IL1RAPL2: variants seen among roughly 807,000 people sequenced by gnomAD.
IL1RAPL2 encodes the protein interleukin 1 receptor accessory protein like 2.
A neutral mutation model predicts 44.1 loss-of-function variants in IL1RAPL2; 3 were observed. The ratio of observed to expected loss-of-function variants is 0.07; its 90% confidence interval spans 0.03 to 0.18. The LOEUF is 0.18. Among genes scored for constraint, IL1RAPL2 ranks in the 10% least tolerant of loss-of-function variants. The pLI, the probability that IL1RAPL2 is intolerant of heterozygous loss-of-function variation, is 1.00. For synonymous variants in IL1RAPL2, 181 were observed against 178.8 expected (o/e 1.01, Z -0.10); for missense variants, 391 against 496.4 (o/e 0.79, Z 2.02).
intron 6 of IL1RAPL2, among the ~76,000 whole-genome samples, chrX:105,545,608 C>T (rs1257928696): frequency 3.6e-5 from 4 of 111,878 alleles, no homozygotes; most frequent in Admixed American, 9.5e-5. Context: ...TTTCTTTTAT[C>T]GCTTTGAATA....
intron 6 of IL1RAPL2, among the ~76,000 whole-genome samples, chrX:105,544,313 A>G (rs2036770569): frequency 9.1e-6 from 1 of 109,934 alleles, no homozygotes; most frequent in Admixed American, 9.6e-5. Flanking sequence ...TAGATTCCAT[A>G]TCTCTTTTTA....
At position 104,567,464 on chromosome X, in the gene IL1RAPL2, G is replaced by A. The variant is rs1874826060; in HGVS notation, c.-20+413G>A. Among the ~76,000 whole-genome samples, 3 of 112,629 alleles carry A rather than the reference G, an allele frequency of 2.7e-5. No individual in the cohort carries two copies. In the South Asian group the frequency reaches 1.1e-3, roughly 41 times the overall value. Reference sequence around the variant, plus strand: ...CTGGAGCTGGGAAGAGGCTCAAGGCGGCTCCTGGGTGGAGCAGCGAGGGGT... The same window carrying A: ...CTGGAGCTGGGAAGAGGCTCAAGGCAGCTCCTGGGTGGAGCAGCGAGGGGT... On this transcript the variant is annotated intron_variant, in intron 1 of 10. Transcript: ENST00000372582.
intron 6 of IL1RAPL2, among the ~76,000 whole-genome samples, chrX:105,499,846 ATCC>A (rs1267901995): frequency 8.9e-6 from 1 of 112,097 alleles, no homozygotes; most frequent in Non-Finnish European, 1.9e-5. Context: ...CAGTATGGCA[ATCC>A]TTAAAAAATT....
chrX:105,724,309 C>A (rs745679220), intron 7 of IL1RAPL2, among the ~76,000 whole-genome samples: 2 of 111,331 alleles, frequency 1.8e-5, no homozygotes, highest in Admixed American at 1.9e-4. Flanking sequence ...AGCATTTCCC[C>A]TGCTGCTTGA....
At chrX:104,623,991 C>G (rs1438293241) in intron 1 of IL1RAPL2, among the ~76,000 whole-genome samples, 1 of 111,845 alleles carries the variant, frequency 8.9e-6, no homozygotes, top group Non-Finnish European at 1.9e-5. Context: ...CTTGAGTATA[C>G]TTTGTAAGTG....
rs761494831 is a variant in IL1RAPL2, at chrX:105,074,323, G to C, written c.83-121152G>C. On this transcript the variant is annotated intron_variant, in intron 2 of 10. Coordinates refer to ENST00000372582, the MANE Select transcript of IL1RAPL2 (RefSeq NM_017416.2). ...GATCCTTTCCCCATTTCTTGTTTTT[G>C]TCAGGTTTGTCAAAGATCAGATGGT... Among the ~76,000 whole-genome samples the C allele has an allele frequency of 1.6e-4, 18 of 111,265 alleles. No individual in the cohort carries two copies. In the South Asian group the frequency reaches 2.3e-3, roughly 14 times the overall value.
At chrX:105,754,822 C>T (rs1389179436) in intron 9 of IL1RAPL2, among the ~76,000 whole-genome samples, 1 of 112,287 alleles carries the variant, frequency 8.9e-6, no homozygotes, top group East Asian at 2.8e-4. Flanking sequence ...GCCAAGCCAA[C>T]TGGAAAATAA....
chrX:105,648,098 CAAT>C (rs971846488), intron 6 of IL1RAPL2, among the ~76,000 whole-genome samples: 5 of 111,800 alleles, frequency 4.5e-5, no homozygotes, highest in African/African-American at 1.6e-4. Context: ...GGCAAAATCT[CAAT>C]AACATGGTAA....
chrX:105,342,363 A>G (rs1462316562), intron 5 of IL1RAPL2, among the ~76,000 whole-genome samples: 2 of 112,485 alleles, frequency 1.8e-5, no homozygotes, highest in African/African-American at 6.5e-5. Context: ...CAGGGAACAT[A>G]ATTTAGTAAT....
intron 2 of IL1RAPL2, among the ~76,000 whole-genome samples, chrX:105,032,484 C>A (rs1920980881): frequency 9.0e-6 from 1 of 111,324 alleles, no homozygotes; most frequent in African/African-American, 3.3e-5. Context: ...TTCGTTATTT[C>A]CCCGTATTCA....
intron 2 of IL1RAPL2, among the ~76,000 whole-genome samples, chrX:105,096,543 T>C (rs1714509028): frequency 8.9e-6 from 1 of 112,376 alleles, no homozygotes; most frequent in Non-Finnish European, 1.9e-5. Context: ...TTATACATGA[T>C]ATAACATGGA....
At chrX:105,277,862 C>G (rs2034498620) in intron 5 of IL1RAPL2, among the ~76,000 whole-genome samples, 1 of 109,509 alleles carries the variant, frequency 9.1e-6, no homozygotes, top group Non-Finnish European at 1.9e-5. Context: ...AAAAAAAGGG[C>G]CTTGGATGTC....
At chrX:105,644,784 C>T (rs1463744421) in intron 6 of IL1RAPL2, among the ~76,000 whole-genome samples, 3 of 110,010 alleles carry the variant, frequency 2.7e-5, no homozygotes, top group East Asian at 2.9e-4. Flanking sequence ...CAACAGGCCT[C>T]GGTGTGTGAT....
intron 6 of IL1RAPL2, among the ~76,000 whole-genome samples, chrX:105,596,350 CTTGTCTCAAGATTTTTGT>C (rs1211968972): frequency 9.3e-6 from 1 of 108,044 alleles, no homozygotes; most frequent in Non-Finnish European, 1.9e-5. Flanking sequence ...TTTTTTTTGT[CTTGTCTCAAGATTTTTGT>C]TTGTCTCAAG....
chrX:105,478,718 T>A (rs1444871288), intron 5 of IL1RAPL2, among the ~76,000 whole-genome samples: 1 of 111,778 alleles, frequency 8.9e-6, no homozygotes, highest in Non-Finnish European at 1.9e-5. Context: ...TCTGATAAAT[T>A]CCCTTTTGGC....
At chrX:105,407,125 T>TCTAGAAGAAATAACA in intron 5 of IL1RAPL2, 1 of 510,911 alleles carries the variant, frequency 2.0e-6, no homozygotes. Flanking sequence ...CACTCAGTTG[T>TCTAGAAGAAATAACA]CTAGAAGAAA....
intron 6 of IL1RAPL2, among the ~76,000 whole-genome samples, chrX:105,606,346 C>T (rs2037292565): frequency 9.0e-6 from 1 of 111,127 alleles, no homozygotes; most frequent in Non-Finnish European, 1.9e-5. Flanking sequence ...AGCAAAACCA[C>T]AATAAGATAT....
chrX:104,575,261 AATAAAG>A (rs1928222883), intron 1 of IL1RAPL2, among the ~76,000 whole-genome samples: 1 of 111,615 alleles, frequency 9.0e-6, no homozygotes, highest in Non-Finnish European at 1.9e-5. Flanking sequence ...AACATATAAT[AATAAAG>A]ATAAATTGGA....
At chrX:105,753,303 A>T (rs1278747243) in intron 9 of IL1RAPL2, among the ~76,000 whole-genome samples, 1 of 111,712 alleles carries the variant, frequency 9.0e-6, no homozygotes, top group East Asian at 2.8e-4. Flanking sequence ...AAGTGGTTCA[A>T]TTTAGGGAGG....
Sources: allele counts gnomAD v4.1 joint callset (sites outside exome capture counted in the v4.1 genomes callset), GRCh38; gene constraint gnomAD v4.1.1; transcripts MANE v1.5; gene names NCBI Gene and HGNC (gene_info 2026-07-23, HGNC 2026-07-21).